ITPA: variants seen among roughly 807,000 people sequenced by gnomAD.
The protein encoded by ITPA is inosine triphosphate pyrophosphatase.
Under a neutral mutation model 29.6 loss-of-function variants are expected in ITPA, and 29 were observed. The ratio of observed to expected loss-of-function variants is 0.98; its 90% CI spans 0.73 to 1.34. The LOEUF (loss-of-function observed/expected upper bound fraction) is 1.34, where lower values mean the gene tolerates loss of function less well. Among genes scored for constraint, ITPA ranks in the 40% most tolerant of loss-of-function variants. The pLI is 0.00. For synonymous variants in ITPA, 103 were observed against 99.3 expected (o/e 1.04, Z -0.22); for missense variants, 241 against 251.5 (o/e 0.96, Z 0.28).
upstream of ITPA, among the ~76,000 whole-genome samples, chr20:3,206,426 C>T (rs1260627306): frequency 6.9e-6 from 1 of 144,598 alleles, no homozygotes; most frequent in Non-Finnish European, 1.5e-5. Flanking sequence ...GGCACCGTGG[C>T]TCACGCCTAC....
At chr20:3,222,357 C>T (rs931198206) in intron 7 of ITPA, among the ~76,000 whole-genome samples, 7 of 151,938 alleles carry the variant, frequency 4.6e-5, no homozygotes, top group East Asian at 3.9e-4. Flanking sequence ...ATTACAGGCA[C>T]GCACCACCGT....
chr20:3,206,117 G>C (rs1401963383), upstream of ITPA, among the ~76,000 whole-genome samples: 1 of 151,658 alleles, frequency 6.6e-6, no homozygotes, highest in Non-Finnish European at 1.5e-5. Flanking sequence ...GGCTGGGCGA[G>C]GTGGCTCACA....
intron 1 of ITPA, among the ~76,000 whole-genome samples, chr20:3,212,695 T>C (rs1384104849): frequency 1.3e-5 from 2 of 152,214 alleles, no homozygotes; most frequent in African/African-American, 4.8e-5. Flanking sequence ...TAACAACATC[T>C]GTGATTTTAG....
intron 3 of ITPA, 74 bp downstream of exon 3, chr20:3,213,457 C>T: frequency 6.4e-7 from 1 of 1,556,906 alleles, no homozygotes; most frequent in Non-Finnish European, 8.8e-7. Context: ...CTGCTAGAAA[C>T]AATAGAGTAG....
chr20:3,216,177 T>TTTTTTTTTTTTA (rs2067293096), intron 5 of ITPA, among the ~76,000 whole-genome samples: 2 of 148,274 alleles, frequency 1.3e-5, no homozygotes, highest in African/African-American at 5.0e-5. Context: ...TTTTTTTTTT[T>TTTTTTTTTTTTA]GAGACAAAGT....
At chr20:3,205,083 C>T (rs2067061464), upstream of ITPA, among the ~76,000 whole-genome samples, 1 of 152,144 alleles carries the variant, frequency 6.6e-6, no homozygotes, top group South Asian at 2.1e-4. Flanking sequence ...AACTCCTGAC[C>T]TTGTGATCCA....
chr20:3,217,656 G>T (rs997418718), intron 5 of ITPA, among the ~76,000 whole-genome samples: 26 of 151,866 alleles, frequency 1.7e-4, no homozygotes, highest in Non-Finnish European at 3.7e-4. Context: ...TTTTGTAGAG[G>T]TGAGGTCTTG....
At chr20:3,216,799 G>T (rs2067312523) in intron 5 of ITPA, among the ~76,000 whole-genome samples, 1 of 151,762 alleles carries the variant, frequency 6.6e-6, no homozygotes, top group African/African-American at 2.4e-5. Flanking sequence ...TGTTGGCCAG[G>T]CTAGTTTCAA....
At position 3,221,921 on chromosome 20, in the gene ITPA, A is replaced by G; in HGVS notation, c.488+4A>G. On this transcript the variant is annotated splice_donor_region_variant and intron_variant, in intron 7 of 7. Coordinates refer to ENST00000380113, the MANE Select transcript of ITPA (RefSeq NM_033453.4). ...AGCCTGATGGATATGAGCAGACGTA[A>G]GGAGCCCTGCTTTTCTTCCCTGGGG... 6.2e-7 allele frequency: 1 copy of G among 1,613,570 alleles called. No homozygotes were observed. The highest frequency in any genetic ancestry group is 8.5e-7 in the Non-Finnish European group (1 of 1,179,892).
chr20:3,223,513 C>T lies in ITPA; in HGVS notation c.*51C>T, dbSNP rs768722341. ...AGGCCGGGGATCTGGGGAGGGCTAG[C>T]CCAAAACCTCCCGCATCGGGCAGGC... On this transcript the variant is annotated 3_prime_UTR_variant, in exon 8 of 8. Transcript: ENST00000380113. 3.6e-6 allele frequency: 5 copies of T among 1,390,450 alleles called. No homozygotes were observed. The South Asian group carries it at 6.0e-5, about 17-fold the overall frequency. 86.1% of individuals were successfully genotyped at this position (1,390,450 alleles called of 1,614,324 possible). A position where few individuals can be genotyped will look rare whatever the true frequency, so the allele number is the denominator to read the frequency against.
At chr20:3,215,755 G>A (rs890870245) in intron 5 of ITPA, among the ~76,000 whole-genome samples, 5 of 152,076 alleles carry the variant, frequency 3.3e-5, no homozygotes, top group Admixed American at 1.3e-4. Flanking sequence ...GTGTGATCTC[G>A]ACTCACTGCA....
At chr20:3,213,754 C>T (rs1347935682) in intron 3 of ITPA, among the ~76,000 whole-genome samples, 2 of 152,182 alleles carry the variant, frequency 1.3e-5, no homozygotes, top group Admixed American at 6.5e-5. Context: ...CCCAGCTCTC[C>T]CATTGCTGTG....
chr20:3,213,369 G>C lies in ITPA; in HGVS notation c.175G>C (p.Glu59Gln). 5 of 1,614,014 alleles carry C rather than the reference G, an allele frequency of 3.1e-6. No homozygotes were observed. The highest frequency in any genetic ancestry group is 2.5e-6 in the Non-Finnish European group (3 of 1,180,028). The part of the protein sequence containing the change: ...PDEISIQKCQ[E>Q]AVRQVQGPVL... ...TGAGATTTCCATACAGAAATGTCAG[G>C]AGGCAGTTCGCCAGGTGCTTGCCCT... The change falls in exon 3 of 8, where the codon GAG (glutamate) becomes CAG (glutamine). Residue 59 changes from glutamate to glutamine, a missense_variant. Physicochemically the swap from Glu to Gln is conservative, Grantham distance 29 (BLOSUM62 2). Coordinates refer to ENST00000380113, the MANE Select transcript of ITPA (RefSeq NM_033453.4).
downstream of ITPA, among the ~76,000 whole-genome samples, chr20:3,225,766 T>C (rs549975960): frequency 6.6e-5 from 10 of 152,306 alleles, no homozygotes; most frequent in Admixed American, 4.6e-4. Context: ...TGGTGGCTCA[T>C]GCCTGTAATC....
rs938425997 is a variant in ITPA at position 3,214,229 on chromosome 20, G to A, written c.263+171G>A. The stretch of plus-strand genomic sequence containing the variant: ...GAAGCATGCCTTTCTTTTGTAAAGT[G>A]TGAGAATGCGACCTGTAAGTGGAGA... On this transcript the variant is annotated intron_variant, in intron 4 of 7. Coordinates refer to ENST00000380113, the MANE Select transcript of ITPA (RefSeq NM_033453.4). Among the ~76,000 whole-genome samples the A allele has an allele frequency of 3.3e-5, 5 of 152,318 alleles. No individual in the cohort carries two copies. The South Asian group carries it at 1.0e-3, about 32-fold the overall frequency.
upstream of ITPA, among the ~76,000 whole-genome samples, chr20:3,206,387 CAAAAAAAAAAA>C (rs143721062): frequency 3.0e-5 from 1 of 33,622 alleles, no homozygotes; most frequent in Non-Finnish European, 5.7e-5. Context: ...GACTCAGTCT[CAAAAAAAAAAA>C]AAAAAAAAAA....
intron 6 of ITPA, 114 bp from the exon 7 acceptor site, chr20:3,221,727 C>T (rs1204726847): frequency 1.6e-5 from 15 of 954,288 alleles, no homozygotes; most frequent in South Asian, 6.6e-5. Context: ...CTACATTTTG[C>T]GTAAGTTGGG....
At chr20:3,219,605 C>A (rs371772337) in intron 6 of ITPA, among the ~76,000 whole-genome samples, 1 of 151,924 alleles carries the variant, frequency 6.6e-6, no homozygotes. Flanking sequence ...AATATCTGGG[C>A]ATGGTGGCAG....
chr20:3,214,170 CT>C (rs1212525864), intron 4 of ITPA, 112 bp downstream of exon 4: 2 of 931,104 alleles, frequency 2.1e-6, no homozygotes, highest in African/African-American at 3.2e-5. Context: ...CATCAACAGC[CT>C]TTCACGTTGT....
Sources: allele counts gnomAD v4.1 joint callset (sites outside exome capture counted in the v4.1 genomes callset), GRCh38; gene constraint gnomAD v4.1.1; transcripts MANE v1.5; gene names NCBI Gene and HGNC (gene_info 2026-07-23, HGNC 2026-07-21).